Variants in PCDH17 observed in about 807,000 individuals in gnomAD.
PCDH17 encodes protocadherin-17.
PCDH17 carries 21 observed loss-of-function variants against 67.7 expected under a neutral mutation model. The observed-to-expected ratio is 0.31, with a 90% CI of 0.22 to 0.45. The LOEUF (loss-of-function observed/expected upper bound fraction) is 0.45, where lower values mean the gene tolerates loss of function less well. PCDH17 is among the 20% of genes least tolerant of loss of function. The pLI is 1.00. For synonymous variants in PCDH17, 701 were observed against 656.7 expected (o/e 1.07, Z -1.03); for missense variants, 1,471 against 1,564.8 (o/e 0.94, Z 1.01).
intron 1 of PCDH17, among the ~76,000 whole-genome samples, chr13:57,642,481 G>A (rs1291865398): frequency 6.6e-6 from 1 of 151,526 alleles, no homozygotes; most frequent in Non-Finnish European, 1.5e-5. Context: ...TAGCATCTAT[G>A]CTTTACAGTT....
At chr13:57,683,220 G>A (rs1417185714) in intron 3 of PCDH17, among the ~76,000 whole-genome samples, 1 of 151,768 alleles carries the variant, frequency 6.6e-6, no homozygotes. Flanking sequence ...GAGAATAAAG[G>A]CCTTATTAAC....
Position 57,634,008 on chromosome 13 carries a change from G to C in PCDH17, c.1462G>C (p.Gly488Arg), listed in dbSNP as rs1290838145. ...VLQVHENNIP[G>R]EYLGSVLAQD... ...TCAGGTGCACGAGAACAACATCCCGGGAGAGTACCTGGGCTCTGTGCTCGC... is the reference window on the plus strand; with the variant it reads ...TCAGGTGCACGAGAACAACATCCCGCGAGAGTACCTGGGCTCTGTGCTCGC... Residue 488 changes from glycine (G) to arginine (R), a missense_variant, in exon 1 of 4, where the codon GGA (glycine) becomes CGA (arginine). Physicochemically the swap from Gly to Arg is moderately radical, Grantham distance 125 (BLOSUM62 -2). Coordinates refer to ENST00000377918, the MANE Select transcript of PCDH17 (RefSeq NM_001040429.3). The surrounding 1 kb of genome is among the most constrained non-coding windows in gnomAD (Gnocchi z 7.8). The C allele has an allele frequency of 6.2e-7, 1 of 1,613,406 alleles. No homozygotes were observed. Among genetic ancestry groups the C allele is most frequent in the African/African-American group, 1.3e-5 (1 of 74,914 alleles).
In PCDH17 at chr13:57,725,521, A is replaced by C. The variant is rs1955909397; in HGVS notation, c.*227A>C. 4 of 469,390 alleles carry C rather than the reference A, an allele frequency of 8.5e-6. No individual in the cohort carries two copies. The allele number at this position is 469,390 out of a possible 1,614,324, so 29.1% of individuals were successfully genotyped here. A position where few individuals can be genotyped will look rare whatever the true frequency, so the allele number is the denominator to read the frequency against. On this transcript the variant is annotated 3_prime_UTR_variant, in exon 4 of 4. Coordinates refer to ENST00000377918, the MANE Select transcript of PCDH17 (RefSeq NM_001040429.3). ...ACCAAACTTGTATTAGGACAGAATT[A>C]ATGATGCTTAAAGAGAAAAGAAAAA...
chr13:57,686,457 T>G (rs1042818427), intron 3 of PCDH17, among the ~76,000 whole-genome samples: 7 of 151,906 alleles, frequency 4.6e-5, no homozygotes, highest in Non-Finnish European at 7.4e-5. Flanking sequence ...TTGCAATGAC[T>G]CTACAAACAA....
In PCDH17 at chr13:57,634,699, T is replaced by C; in HGVS notation, c.2153T>C (p.Ile718Thr). The C allele has an allele frequency of 6.2e-7, 1 of 1,613,492 alleles. No individual in the cohort carries two copies. Among genetic ancestry groups the C allele is most frequent in the Non-Finnish European group, 8.5e-7 (1 of 1,179,996 alleles). The change falls in exon 1 of 4, where the codon ATC becomes ACC. Residue 718 changes from isoleucine (I) to threonine (T), a missense_variant. Around this residue, in one of 3 missense-constraint regions of PCDH17, gnomAD observed 1,163 missense variants for 1,230.0 expected, o/e 0.95. Transcript: ENST00000377918. This position sits in a 1 kb window ranked among gnomAD's most constrained non-coding sequence, Gnocchi z 7.8. ...LIVTLSTISI[I>T]LLAAMITIAV... The stretch of plus-strand genomic sequence containing the variant: ...GTGACTCTGAGCACTATCTCCATCA[T>C]CCTCCTAGCGGCCATGATCACCATC...
chr13:57,721,357 G>C (rs1378834304), intron 3 of PCDH17, among the ~76,000 whole-genome samples: 1 of 152,012 alleles, frequency 6.6e-6, no homozygotes, highest in Non-Finnish European at 1.5e-5. Flanking sequence ...CAGGGTTTCT[G>C]GACTTGTTTT....
At chr13:57,656,264 T>C (rs2138007957) in intron 1 of PCDH17, among the ~76,000 whole-genome samples, 1 of 152,244 alleles carries the variant, frequency 6.6e-6, no homozygotes, top group East Asian at 1.9e-4. Context: ...CATTATAGTT[T>C]CCAAGCATGT....
In PCDH17 at chr13:57,684,626, A is replaced by G. The variant is rs73207445; in HGVS notation, c.2797+17793A>G. ...TTATGTGTTCATATGACAATATTTCATTAACCATCATTTTTAAAATGTTGA... is the reference window on the plus strand; with the variant it reads ...TTATGTGTTCATATGACAATATTTCGTTAACCATCATTTTTAAAATGTTGA... On this transcript the variant is annotated intron_variant, in intron 3 of 3. Transcript: ENST00000377918. Among the ~76,000 whole-genome samples the G allele has an allele frequency of 6.4e-4, 97 of 152,098 alleles. 1 individual carries two copies. Among genetic ancestry groups the G allele is most frequent in the Non-Finnish European group, 1.3e-3 (85 of 67,892 alleles).
chr13:57,718,898 A>G (rs1474855996), intron 3 of PCDH17, among the ~76,000 whole-genome samples: 1 of 152,044 alleles, frequency 6.6e-6, no homozygotes, highest in East Asian at 1.9e-4. Flanking sequence ...CTGTTATACC[A>G]TTAAAGCCTC....
At chr13:57,704,386 G>A (rs1397560941) in intron 3 of PCDH17, among the ~76,000 whole-genome samples, 1 of 151,930 alleles carries the variant, frequency 6.6e-6, no homozygotes, top group Non-Finnish European at 1.5e-5. Context: ...AAAAGCAAAA[G>A]TCTATCAAGC....
intron 3 of PCDH17, among the ~76,000 whole-genome samples, chr13:57,711,083 G>C (rs1955771863): frequency 6.6e-6 from 1 of 151,958 alleles, no homozygotes; most frequent in Non-Finnish European, 1.5e-5. Flanking sequence ...GTTGGGAAAA[G>C]TGTTATATTT....
intron 1 of PCDH17, among the ~76,000 whole-genome samples, chr13:57,648,038 T>C (rs567557231): frequency 6.6e-6 from 1 of 152,078 alleles, no homozygotes; most frequent in South Asian, 2.1e-4. Context: ...CTCAGTGAAC[T>C]TAAACTTGAC....
chr13:57,653,916 C>T (rs1955072741), intron 1 of PCDH17, among the ~76,000 whole-genome samples: 1 of 152,132 alleles, frequency 6.6e-6, no homozygotes, highest in Admixed American at 6.5e-5. Flanking sequence ...CACTGCAAAT[C>T]ACCTAACACT....
rs748571645 is a variant in PCDH17 at position 57,634,505 on chromosome 13, G to A, written c.1959G>A (p.Glu653=). The A allele has an allele frequency of 6.2e-7, 1 of 1,612,980 alleles. No homozygotes were observed. Residue 653 remains glutamate (E), a synonymous_variant, in exon 1 of 4, where the codon GAG becomes GAA. Transcript: ENST00000377918. The surrounding 1 kb of genome is among the most constrained non-coding windows in gnomAD (Gnocchi z 7.8). The part of the protein sequence containing the change: ...GEIRTLHPFW[E]DVTPVVELVV... ...TCCGCACGCTGCACCCTTTCTGGGA[G>A]GACGTGACGCCCGTGGTGGAGCTGG...
chr13:57,715,522 T>G (rs1436215933), intron 3 of PCDH17, among the ~76,000 whole-genome samples: 3 of 151,904 alleles, frequency 2.0e-5, no homozygotes, highest in Non-Finnish European at 4.4e-5. Flanking sequence ...AGAGTAATGC[T>G]GTAATATATA....
rs551127955 is a variant in PCDH17, at chr13:57,633,576, C to G, written c.1030C>G (p.Arg344Gly). ...CAAAGTCACGGTCAAGCTCATCGAC[C>G]GCAACGACAATGCGCCGTCCATCGG... The part of the protein sequence containing the change: ...HCKVTVKLID[R>G]NDNAPSIGFV... Residue 344 changes from arginine to glycine, a missense_variant, in exon 1 of 4, where the codon CGC becomes GGC. Physicochemically the swap from Arg to Gly is moderately radical, Grantham distance 125 (BLOSUM62 -2). This residue lies in a region of PCDH17 where 1,163 missense variants were observed against 1,230.0 expected (regional missense o/e 0.95). Coordinates refer to ENST00000377918, the MANE Select transcript of PCDH17 (RefSeq NM_001040429.3). This position sits in a 1 kb window ranked among gnomAD's most constrained non-coding sequence, Gnocchi z 6.2. 6.8e-6 allele frequency: 11 copies of G among 1,613,492 alleles called. No homozygotes were observed. The highest frequency in any genetic ancestry group is 5.3e-5 in the African/African-American group (4 of 75,070).
At chr13:57,688,830 C>A (rs1254671758) in intron 3 of PCDH17, among the ~76,000 whole-genome samples, 2 of 151,974 alleles carry the variant, frequency 1.3e-5, no homozygotes, top group African/African-American at 4.8e-5. Context: ...AATGAGAGGA[C>A]CAACCTAGAT....
chr13:57,635,505 T>C (rs1954811329), intron 1 of PCDH17, among the ~76,000 whole-genome samples: 3 of 152,338 alleles, frequency 2.0e-5, no homozygotes, highest in South Asian at 2.1e-4. Context: ...TATTCTGTTT[T>C]TTTAAATGAT....
chr13:57,695,997 A>G (rs562851658), intron 3 of PCDH17, among the ~76,000 whole-genome samples: 1 of 151,316 alleles, frequency 6.6e-6, no homozygotes, highest in Admixed American at 6.6e-5. Flanking sequence ...TGGATTCAGG[A>G]CCCTCATTTG....
Sources: gnomAD v4.1 joint callset for allele counts (sites outside exome capture counted in the v4.1 genomes callset) on GRCh38, gnomAD v4.1.1 for gene constraint, gnomAD v4.1.1 regional missense constraint, Gnocchi (gnomAD v3.1) non-coding constraint, MANE v1.5 for transcripts, NCBI Gene and HGNC (gene_info 2026-07-23, HGNC 2026-07-21) for gene names.